STRBP: variants seen among roughly 807,000 people sequenced by gnomAD.
STRBP encodes spermatid perinuclear RNA-binding protein.
Under a neutral mutation model 80.1 loss-of-function variants are expected in STRBP, and 13 were observed. That is an observed-to-expected ratio of 0.16 (90% confidence interval 0.11 to 0.26). The LOEUF (loss-of-function observed/expected upper bound fraction) is 0.26, where lower values mean the gene tolerates loss of function less well. Ranked by LOEUF, STRBP falls within the 10% of genes least tolerant of loss-of-function variation. The probability of loss-of-function intolerance (pLI) is 1.00; values close to 1 mark genes in which losing one functional copy is unlikely to be tolerated. For synonymous variants in STRBP, 284 were observed against 291.2 expected, an observed-to-expected ratio of 0.98 and a Z score of 0.25; for missense variants, 485 against 815.2, an observed-to-expected ratio of 0.59 and a Z score of 4.93.
intron 1 of STRBP, among the ~76,000 whole-genome samples, chr9:123,264,101 C>T (rs576206013): frequency 2.0e-5 from 3 of 152,340 alleles, no homozygotes; most frequent in South Asian, 2.1e-4. Context: ...ATCACTTGAA[C>T]CCGGGAGGCG....
chr9:123,161,500 G>A (rs1314971421), intron 6 of STRBP, among the ~76,000 whole-genome samples: 3 of 151,920 alleles, frequency 2.0e-5, no homozygotes, highest in Non-Finnish European at 2.9e-5. Flanking sequence ...CATCTTTAAG[G>A]AAAACTGGAA....
At chr9:123,214,502 A>AT (rs2039826070) in intron 2 of STRBP, among the ~76,000 whole-genome samples, 4 of 152,124 alleles carry the variant, frequency 2.6e-5, no homozygotes, top group Admixed American at 2.0e-4. Flanking sequence ...GGAAATAAAA[A>AT]TTTTTTATTA....
At chr9:123,118,740 A>G (rs1476724914), downstream of STRBP, among the ~76,000 whole-genome samples, 1 of 152,180 alleles carries the variant, frequency 6.6e-6, no homozygotes, top group African/African-American at 2.4e-5. Context: ...TACGTAACGC[A>G]GTTTTTATAA....
intron 2 of STRBP, among the ~76,000 whole-genome samples, chr9:123,216,164 C>T (rs2132544703): frequency 6.6e-6 from 1 of 152,312 alleles, no homozygotes; most frequent in East Asian, 1.9e-4. Context: ...TACCGCTACC[C>T]CCTTCCTAAT....
chr9:123,194,892 C>G (rs1039785871), intron 2 of STRBP, among the ~76,000 whole-genome samples: 2 of 152,172 alleles, frequency 1.3e-5, no homozygotes, highest in African/African-American at 4.8e-5. Context: ...TCCACAACCT[C>G]TAAACGCTGA....
At chr9:123,246,278 AC>A (rs1468060955) in intron 1 of STRBP, among the ~76,000 whole-genome samples, 1 of 152,250 alleles carries the variant, frequency 6.6e-6, no homozygotes, top group Non-Finnish European at 1.5e-5. Flanking sequence ...TGACAGCATC[AC>A]AAAAACCTTA....
intron 11 of STRBP, among the ~76,000 whole-genome samples, chr9:123,157,363 T>C (rs894783535): frequency 1.3e-5 from 2 of 152,218 alleles, no homozygotes; most frequent in African/African-American, 2.4e-5. Context: ...CCAGGGGTTC[T>C]GAAAGTATAG....
chr9:123,138,604 T>C (rs775952860), intron 14 of STRBP, among the ~76,000 whole-genome samples: 1 of 152,266 alleles, frequency 6.6e-6, no homozygotes, highest in South Asian at 2.1e-4. Context: ...GTGTAAGTTA[T>C]GTCTAAGAGT....
intron 11 of STRBP, among the ~76,000 whole-genome samples, chr9:123,155,412 G>C (rs1014126622): frequency 1.3e-5 from 2 of 152,142 alleles, no homozygotes; most frequent in East Asian, 1.9e-4. Flanking sequence ...GAGCAACCCA[G>C]TACAGACACA....
At chr9:123,220,024 T>C (rs2040018944) in intron 2 of STRBP, among the ~76,000 whole-genome samples, 1 of 152,078 alleles carries the variant, frequency 6.6e-6, no homozygotes, top group Admixed American at 6.5e-5. Flanking sequence ...ATGCCACAGG[T>C]AAACCTGTAT....
intron 2 of STRBP, among the ~76,000 whole-genome samples, chr9:123,203,966 T>G (rs2039422378): frequency 6.7e-6 from 1 of 148,874 alleles, no homozygotes; most frequent in Admixed American, 6.7e-5. Flanking sequence ...AGCAAGACTC[T>G]GTCTCAAAAA....
chr9:123,247,903 A>G (rs2040830898), intron 1 of STRBP, among the ~76,000 whole-genome samples: 1 of 152,190 alleles, frequency 6.6e-6, no homozygotes, highest in South Asian at 2.1e-4. Flanking sequence ...CTGAGTTGAA[A>G]AAGTTGAAAA....
downstream of STRBP, among the ~76,000 whole-genome samples, chr9:123,120,815 A>G (rs941367275): frequency 2.0e-5 from 3 of 152,208 alleles, no homozygotes; most frequent in African/African-American, 7.2e-5. Context: ...CAGGCTCTCA[A>G]AACTGCCAGG....
At chr9:123,211,222 A>C (rs1267711520) in intron 2 of STRBP, among the ~76,000 whole-genome samples, 1 of 152,264 alleles carries the variant, frequency 6.6e-6, no homozygotes, top group Non-Finnish European at 1.5e-5. Flanking sequence ...CTACAATGAC[A>C]TGCAACATTA....
intron 1 of STRBP, among the ~76,000 whole-genome samples, chr9:123,256,196 T>C (rs2041026178): frequency 6.6e-6 from 1 of 151,822 alleles, no homozygotes; most frequent in South Asian, 2.1e-4. Context: ...GCTACTTTGT[T>C]TCTATAAAGA....
Position 123,123,766 on chromosome 9 carries a change from G to C in STRBP, c.*1831C>G. 1.0e-6 allele frequency: 1 copy of C among 985,320 alleles called. No homozygotes were observed. Among genetic ancestry groups the C allele is most frequent in the Middle Eastern group, 5.2e-4 (1 of 1,914 alleles). The allele number at this position is 985,320 out of a possible 1,614,324, so 61.0% of individuals were successfully genotyped here. A position where few individuals can be genotyped will look rare whatever the true frequency, so the allele number is the denominator to read the frequency against. The stretch of plus-strand genomic sequence containing the variant: ...AGCTGCCAATTAATAGTATTCCAAA[G>C]ACAATGAGGACTACTGTAAAGATTT... On this transcript the variant is annotated 3_prime_UTR_variant, in exon 19 of 19. Transcript: ENST00000348403.
rs774560850 is a variant in STRBP at position 123,199,475 on chromosome 9, T to A, written c.-164-15177A>T. Among the ~76,000 whole-genome samples the A allele has an allele frequency of 2.6e-5, 4 of 152,234 alleles. No homozygotes were observed. The East Asian group carries it at 7.7e-4, about 29-fold the overall frequency. On this transcript the variant is annotated intron_variant, in intron 2 of 18. Transcript: ENST00000348403. ...AATCTGTAGATTGCTTTGGGCAGTATAGTCATTTTCACAATATTGATTCTT... is the reference window on the plus strand; with the variant it reads ...AATCTGTAGATTGCTTTGGGCAGTAAAGTCATTTTCACAATATTGATTCTT...
At chr9:123,220,512 T>C (rs896892920) in intron 2 of STRBP, among the ~76,000 whole-genome samples, 3 of 152,214 alleles carry the variant, frequency 2.0e-5, no homozygotes, top group Non-Finnish European at 4.4e-5. Flanking sequence ...GAAACTTCAT[T>C]GTGCGGTGAA....
intron 2 of STRBP, among the ~76,000 whole-genome samples, chr9:123,231,368 T>C (rs2040393677): frequency 6.6e-6 from 1 of 152,208 alleles, no homozygotes; most frequent in African/African-American, 2.4e-5. Flanking sequence ...CCCAAACTTA[T>C]TTTCTCTTGT....
Sources: gnomAD v4.1 joint callset for allele counts (sites outside exome capture counted in the v4.1 genomes callset) on GRCh38, gnomAD v4.1.1 for gene constraint, MANE v1.5 for transcripts, NCBI Gene and HGNC (gene_info 2026-07-23, HGNC 2026-07-21) for gene names.